The following RFX3 variants were observed in gnomAD, a reference collection of about 807,000 sequenced individuals.
RFX3 encodes regulatory factor X3.
Under a neutral mutation model 98.6 loss-of-function variants are expected in RFX3, and 14 were observed. The ratio of observed to expected loss-of-function variants is 0.14; its 90% confidence interval spans 0.09 to 0.22. The LOEUF (loss-of-function observed/expected upper bound fraction) is 0.22, where lower values mean the gene tolerates loss of function less well. Ranked by LOEUF, RFX3 falls within the 10% of genes least tolerant of loss-of-function variation. The pLI, the probability that RFX3 is intolerant of heterozygous loss-of-function variation, is 1.00. For missense variants in RFX3, 639 were observed against 926.9 expected (o/e 0.69, Z 4.03); for synonymous variants, 383 against 328.4 (o/e 1.17, Z -1.80).
chr9:3,406,107 C>T (rs931334861), intron 1 of RFX3, among the ~76,000 whole-genome samples: 2 of 152,054 alleles, frequency 1.3e-5, no homozygotes, highest in Non-Finnish European at 2.9e-5. Flanking sequence ...TGTGCACATG[C>T]CACCACGCCT....
intron 4 of RFX3, among the ~76,000 whole-genome samples, chr9:3,320,811 A>ATATATATATATATG (rs1491257813): frequency 1.7e-5 from 2 of 119,308 alleles, no homozygotes; most frequent in African/African-American, 6.5e-5. Flanking sequence ...ATATATATAT[A>ATATATATATATATG]GCCTCATTAT....
intron 1 of RFX3, among the ~76,000 whole-genome samples, chr9:3,514,028 T>G (rs2133858391): frequency 6.6e-6 from 1 of 152,300 alleles, no homozygotes; most frequent in Admixed American, 6.5e-5. Flanking sequence ...GAATTACAAT[T>G]TTTGTCTTTA....
intron 13 of RFX3, among the ~76,000 whole-genome samples, chr9:3,260,500 CT>C (rs1177985373): frequency 6.6e-6 from 1 of 151,724 alleles, no homozygotes; most frequent in Non-Finnish European, 1.5e-5. Context: ...CACTGAAAAA[CT>C]TTTTCGGATA....
chr9:3,501,422 C>A (rs190629057), intron 1 of RFX3, among the ~76,000 whole-genome samples: 4 of 151,980 alleles, frequency 2.6e-5, no homozygotes. Flanking sequence ...AAAATTACTC[C>A]GAGGGCCATA....
chr9:3,453,710 CAAA>C (rs36111393), intron 1 of RFX3: 32 of 87,866 alleles, frequency 3.6e-4, no homozygotes, highest in African/African-American at 7.7e-4. Flanking sequence ...ACTCTTTTTT[CAAA>C]AAAAAAAAAA....
chr9:3,235,404 T>A (rs499111), intron 15 of RFX3, among the ~76,000 whole-genome samples: 143,571 of 152,272 alleles, frequency 0.94, 68,229 homozygotes, highest in East Asian at 1. Context: ...TCCGTAAGTC[T>A]TCAATGAGCA....
Position 3,292,061 on chromosome 9 carries a change from C to CAAAAAAAAA in RFX3, c.731+1007_731+1015dup, listed in dbSNP as rs58788880. 1.4e-3 allele frequency among the ~76,000 whole-genome samples: 34 copies of CAAAAAAAAA among 23,942 alleles called. 7 individuals are homozygous for CAAAAAAAAA. Among genetic ancestry groups the CAAAAAAAAA allele is most frequent in the East Asian group, 2.4e-3 (2 of 818 alleles). The allele number at this position is 23,942 out of a possible 152,430, so 15.7% of individuals were successfully genotyped here. ...ACAGAAACAGAGTGAGACTCCATCT[C>CAAAAAAAAA]AAAAAAAAAAAAAAAAAAAAAAAAA... On this transcript the variant is annotated intron_variant, in intron 6 of 16. Transcript: ENST00000617270.
chr9:3,347,129 T>C (rs1198848111), intron 2 of RFX3, among the ~76,000 whole-genome samples: 2 of 152,130 alleles, frequency 1.3e-5, no homozygotes, highest in Non-Finnish European at 2.9e-5. Context: ...AAGACCAGCC[T>C]GGGCAACACG....
At chr9:3,349,408 T>C (rs189385952) in intron 2 of RFX3, among the ~76,000 whole-genome samples, 78 of 152,220 alleles carry the variant, frequency 5.1e-4, no homozygotes, top group African/African-American at 1.3e-3. Flanking sequence ...GTTAAATTCA[T>C]GTATTTAATT....
At chr9:3,389,974 G>T (rs1840131554) in intron 2 of RFX3, among the ~76,000 whole-genome samples, 1 of 152,056 alleles carries the variant, frequency 6.6e-6, no homozygotes. Context: ...GATACTTGAG[G>T]TCATATAAAA....
At chr9:3,325,158 G>A (rs1831768221) in intron 4 of RFX3, among the ~76,000 whole-genome samples, 1 of 152,046 alleles carries the variant, frequency 6.6e-6, no homozygotes, top group Non-Finnish European at 1.5e-5. Context: ...ATGGCCATTG[G>A]TAACGTAGCA....
chr9:3,483,625 C>A (rs530508408), intron 1 of RFX3, among the ~76,000 whole-genome samples: 3 of 152,194 alleles, frequency 2.0e-5, no homozygotes, highest in African/African-American at 7.2e-5. Context: ...TATAAAAGCA[C>A]AATAATTCAC....
chr9:3,303,448 T>C (rs1243014553), intron 4 of RFX3, among the ~76,000 whole-genome samples: 1 of 151,832 alleles, frequency 6.6e-6, no homozygotes, highest in Admixed American at 6.6e-5. Flanking sequence ...TTCTTTAAAG[T>C]TTGAGTGCAG....
intron 4 of RFX3, among the ~76,000 whole-genome samples, chr9:3,324,820 C>G (rs1255006246): frequency 1.3e-5 from 2 of 151,714 alleles, no homozygotes; most frequent in African/African-American, 4.8e-5. Context: ...AAAAATTAGC[C>G]AAGCATGGTG....
intron 3 of RFX3, among the ~76,000 whole-genome samples, chr9:3,340,952 C>T (rs1833819143): frequency 6.6e-6 from 1 of 152,186 alleles, no homozygotes; most frequent in Non-Finnish European, 1.5e-5. Context: ...GACACATGCA[C>T]ACATATGTTT....
At chr9:3,356,234 T>A (rs1399896556) in intron 2 of RFX3, among the ~76,000 whole-genome samples, 2 of 149,362 alleles carry the variant, frequency 1.3e-5, no homozygotes, top group African/African-American at 4.9e-5. Flanking sequence ...AATAAAAATA[T>A]GAAAACAGAA....
intron 1 of RFX3, among the ~76,000 whole-genome samples, chr9:3,505,455 T>TAAA (rs1348219480): frequency 7.1e-6 from 1 of 140,230 alleles, no homozygotes; most frequent in African/African-American, 2.6e-5. Context: ...TTATATAAAA[T>TAAA]ATAAAATAAA....
chr9:3,395,944 C>A (rs897285291), intron 1 of RFX3, among the ~76,000 whole-genome samples: 1 of 152,156 alleles, frequency 6.6e-6, no homozygotes, highest in African/African-American at 2.4e-5. Flanking sequence ...ATTCTCAGAA[C>A]ACAAACCCTA....
intron 8 of RFX3, 130 bp downstream of exon 8, chr9:3,277,210 A>C: frequency 1.3e-6 from 1 of 779,262 alleles, no homozygotes; most frequent in Non-Finnish European, 2.1e-6. Flanking sequence ...TATACATATG[A>C]TGTGCATAAT....
Sources: gnomAD v4.1 joint callset for allele counts (sites outside exome capture counted in the v4.1 genomes callset) on GRCh38, gnomAD v4.1.1 for gene constraint, MANE v1.5 for transcripts, NCBI Gene and HGNC (gene_info 2026-07-23, HGNC 2026-07-21) for gene names.